DMXL1: variants seen among roughly 807,000 people sequenced by gnomAD.
DMXL1 encodes dmX-like protein 1.
Under a neutral mutation model 319.2 loss-of-function variants are expected in DMXL1, and 99 were observed. The ratio of observed to expected loss-of-function variants is 0.31; its 90% confidence interval spans 0.26 to 0.37. The LOEUF is 0.37. Ranked by LOEUF, DMXL1 falls within the 10% of genes least tolerant of loss-of-function variation. The pLI, the probability that DMXL1 is intolerant of heterozygous loss-of-function variation, is 1.00. For synonymous variants in DMXL1, 1,385 were observed against 1,235.2 expected (o/e 1.12, Z -2.54); for missense variants, 3,745 against 3,595.6 (o/e 1.04, Z -1.06).
intron 38 of DMXL1, among the ~76,000 whole-genome samples, chr5:119,228,585 C>T (rs1383517175): frequency 6.6e-6 from 1 of 152,108 alleles, no homozygotes; most frequent in African/African-American, 2.4e-5. Flanking sequence ...CAATGCTTCC[C>T]ATGCAATTTA....
intron 23 of DMXL1, among the ~76,000 whole-genome samples, chr5:119,168,586 T>G (rs957986903): frequency 1.3e-5 from 2 of 152,208 alleles, no homozygotes; most frequent in Non-Finnish European, 2.9e-5. Flanking sequence ...TTCCTAAACC[T>G]TTGAGAAAGC....
chr5:119,218,445 A>G, intron 35 of DMXL1, among the ~76,000 whole-genome samples: 1 of 151,418 alleles, frequency 6.6e-6, no homozygotes, highest in East Asian at 1.9e-4. Context: ...ATTTTATTTT[A>G]TTTTACTTTA....
chr5:119,158,554 C>T (rs1771598155), intron 19 of DMXL1, among the ~76,000 whole-genome samples: 2 of 152,144 alleles, frequency 1.3e-5, no homozygotes, highest in African/African-American at 4.8e-5. Flanking sequence ...CATCCTTGTC[C>T]TCTTTCTGAT....
intron 9 of DMXL1, chr5:119,127,794 A>G (rs1763938001): frequency 3.9e-6 from 1 of 259,098 alleles, no homozygotes; most frequent in Non-Finnish European, 7.8e-6. Flanking sequence ...TTGGAAATTC[A>G]TATATTTAAT....
rs376776822 is a variant in DMXL1, at chr5:119,189,828, C to T, written c.7256C>T (p.Ala2419Val). 1.3e-5 allele frequency: 21 copies of T among 1,613,924 alleles called. No individual in the cohort carries two copies. Among genetic ancestry groups the T allele is most frequent in the Middle Eastern group, 1.6e-4 (1 of 6,062 alleles). Residue 2419 changes from alanine (A) to valine (V), a missense_variant, in exon 29 of 44, where the codon GCG becomes GTG. Ala to Val is a moderately conservative substitution (Grantham distance 64, BLOSUM62 0). Around this residue, in one of 4 missense-constraint regions of DMXL1, gnomAD observed 1,382 missense variants for 1,269.5 expected, o/e 1.09. Coordinates refer to ENST00000539542, the MANE Select transcript of DMXL1 (RefSeq NM_001290321.3). ...SSAPVSQESLAVKEKFIPPEL... is the reference protein window; with the variant it reads ...SSAPVSQESLVVKEKFIPPEL... ...GCACCAGTAAGCCAGGAGTCACTGGCGGTTAAAGAAAAGTTCATCCCACCT... is the reference window on the plus strand; with the variant it reads ...GCACCAGTAAGCCAGGAGTCACTGGTGGTTAAAGAAAAGTTCATCCCACCT...
At chr5:119,242,352 A>G (rs1277134913) in intron 42 of DMXL1, among the ~76,000 whole-genome samples, 3 of 152,264 alleles carry the variant, frequency 2.0e-5, no homozygotes, top group Non-Finnish European at 4.4e-5. Flanking sequence ...TTTGAAATTT[A>G]AAGAATATTA....
At chr5:119,189,582 T>C in intron 28 of DMXL1, 126 bp from the exon 29 acceptor site, 3 of 855,292 alleles carry the variant, frequency 3.5e-6, no homozygotes, top group Non-Finnish European at 5.4e-6. Context: ...CTGTGTACTT[T>C]CATAATCTCA....
intron 24 of DMXL1, among the ~76,000 whole-genome samples, 167 bp downstream of exon 24, chr5:119,171,447 A>G (rs1267004796): frequency 6.6e-6 from 1 of 152,098 alleles, no homozygotes; most frequent in African/African-American, 2.4e-5. Flanking sequence ...TTGTGTATTT[A>G]TAGTAGTTAC....
In DMXL1 at chr5:119,233,364, G is replaced by A. The variant is rs1460305205; in HGVS notation, c.8363G>A (p.Ser2788Asn). The A allele has an allele frequency of 2.5e-6, 4 of 1,612,890 alleles. No individual in the cohort carries two copies. The Admixed American group carries it at 6.7e-5, about 27-fold the overall frequency. ...PYYLTGAQDGSVRMFEWGHSQ... is the reference protein window; with the variant it reads ...PYYLTGAQDGNVRMFEWGHSQ... ...GATCTGACAGGAGCTCAAGATGGAA[G>A]TGTCAGAATGTTTGAATGGGGCCAT... The change falls in exon 39 of 44, where the codon AGT becomes AAT. Residue 2788 changes from serine to asparagine, a missense_variant. Transcript: ENST00000539542.
At chr5:119,165,843 T>C (rs1430711937) in intron 21 of DMXL1, among the ~76,000 whole-genome samples, 1 of 152,140 alleles carries the variant, frequency 6.6e-6, no homozygotes, top group Non-Finnish European at 1.5e-5. Context: ...TCCCACTGGG[T>C]CCCTCCCACA....
intron 23 of DMXL1, among the ~76,000 whole-genome samples, chr5:119,169,039 C>T (rs1020833096): frequency 6.6e-6 from 1 of 152,054 alleles, no homozygotes; most frequent in Non-Finnish European, 1.5e-5. Flanking sequence ...GTAGCGGGGA[C>T]CACAGGTGTG....
In DMXL1 at chr5:119,167,675, A is replaced by C; in HGVS notation, c.5209A>C (p.Thr1737Pro). Residue 1737 changes from threonine to proline, a missense_variant, in exon 23 of 44, where the codon ACA (threonine) becomes CCA (proline). By Grantham distance (38) the Thr-to-Pro change is conservative. Transcript: ENST00000539542. ...IARLYESEFD[T>P]SAAYKSILRK... ...AAGACTCTATGAGTCTGAATTTGAT[A>C]CATCTGCAGCATATAAATCTATTTT... 1 of 1,613,142 alleles carries C rather than the reference A, an allele frequency of 6.2e-7. No homozygotes were observed. The highest frequency in any genetic ancestry group is 8.5e-7 in the Non-Finnish European group (1 of 1,179,398).
chr5:119,179,061 G>T (rs1776337928), intron 28 of DMXL1, among the ~76,000 whole-genome samples: 1 of 152,004 alleles, frequency 6.6e-6, no homozygotes, highest in South Asian at 2.1e-4. Context: ...CCGGCCATTG[G>T]AGTTTTTGGA....
In DMXL1 at chr5:119,170,857, T is replaced by A; in HGVS notation, c.6066T>A (p.Asp2022Glu). 1 of 1,612,282 alleles carries A rather than the reference T, an allele frequency of 6.2e-7. No homozygotes were observed. Among genetic ancestry groups the A allele is most frequent in the Non-Finnish European group, 8.5e-7 (1 of 1,179,582 alleles). ...ATGACCTTTTAAATCCATCAGAAGATATAATTGCAGTTCAGTTAAAATTTA... is the reference window on the plus strand; with the variant it reads ...ATGACCTTTTAAATCCATCAGAAGAAATAATTGCAGTTCAGTTAAAATTTA... Reference protein sequence around the residue: ...DENDLLNPSEDIIAVQLKFRA... With the variant: ...DENDLLNPSEEIIAVQLKFRA... Residue 2022 changes from aspartate to glutamate, a missense_variant, in exon 24 of 44, where the codon GAT becomes GAA. Asp to Glu is a conservative substitution (Grantham distance 45). Transcript: ENST00000539542.
chr5:119,112,709 C>T (rs757953185), intron 5 of DMXL1, among the ~76,000 whole-genome samples: 1 of 152,106 alleles, frequency 6.6e-6, no homozygotes. Flanking sequence ...GTAATCTGAA[C>T]ACTTTGGGAG....
intron 43 of DMXL1, among the ~76,000 whole-genome samples, chr5:119,245,571 T>A (rs1410343420): frequency 6.6e-6 from 1 of 151,038 alleles, no homozygotes; most frequent in South Asian, 2.1e-4. Context: ...GACGGAGTCT[T>A]ACTCTGTCGC....
Position 119,097,969 on chromosome 5 carries a change from A to T in DMXL1, c.88-10A>T, listed in dbSNP as rs778619121. ...ACACTTTTATCATTTTTATTTATTT[A>T]TTTTTTTAGGCTTATGCATCTGGAT... On this transcript the variant is annotated splice_polypyrimidine_tract_variant and intron_variant, in intron 1 of 43. Coordinates refer to ENST00000539542, the MANE Select transcript of DMXL1 (RefSeq NM_001290321.3). 4.4e-6 allele frequency: 7 copies of T among 1,591,922 alleles called. No homozygotes were observed. In the Admixed American group the frequency reaches 5.2e-5, roughly 12 times the overall value.
At chr5:119,238,227 T>G (rs1300268997) in intron 40 of DMXL1, among the ~76,000 whole-genome samples, 2 of 152,078 alleles carry the variant, frequency 1.3e-5, no homozygotes, top group African/African-American at 4.8e-5. Flanking sequence ...ATTTTGTCTG[T>G]TTTAAGGACA....
At chr5:119,124,452 C>A (rs1420132232) in intron 9 of DMXL1, among the ~76,000 whole-genome samples, 1 of 151,670 alleles carries the variant, frequency 6.6e-6, no homozygotes, top group East Asian at 1.9e-4. Flanking sequence ...AGCAGTCCAT[C>A]TTAGAATTAG....
Sources: allele counts gnomAD v4.1 joint callset (sites outside exome capture counted in the v4.1 genomes callset), GRCh38; gene constraint gnomAD v4.1.1; regional missense constraint gnomAD v4.1.1; transcripts MANE v1.5; gene names NCBI Gene and HGNC (gene_info 2026-07-23, HGNC 2026-07-21).